CLSTN2: variants seen among roughly 807,000 people sequenced by gnomAD.
CLSTN2 encodes calsyntenin-2.
CLSTN2 carries 48 observed loss-of-function variants against 101.2 expected under a neutral mutation model. That is an observed-to-expected ratio of 0.47 (90% CI 0.38 to 0.60). CLSTN2 has a LOEUF of 0.60. Ranked by LOEUF, CLSTN2 falls within the 20% of genes least tolerant of loss-of-function variation. CLSTN2 has a pLI of 0.00. For synonymous variants in CLSTN2, 481 were observed against 463.6 expected (o/e 1.04, Z -0.48); for missense variants, 1,160 against 1,238.2 (o/e 0.94, Z 0.95).
intron 1 of CLSTN2, among the ~76,000 whole-genome samples, chr3:139,977,301 A>G (rs915084129): frequency 1.3e-5 from 2 of 152,056 alleles, no homozygotes; most frequent in Admixed American, 6.6e-5. Flanking sequence ...GGAAGAATGG[A>G]CAGAAGGAGG....
intron 2 of CLSTN2, among the ~76,000 whole-genome samples, chr3:140,324,087 A>T (rs2087309627): frequency 6.6e-6 from 1 of 152,228 alleles, no homozygotes; most frequent in Non-Finnish European, 1.5e-5. Flanking sequence ...AAGGGTAGGG[A>T]CATGATATTT....
chr3:140,238,944 A>C (rs1234151598), intron 2 of CLSTN2, among the ~76,000 whole-genome samples: 1 of 152,160 alleles, frequency 6.6e-6, no homozygotes, highest in Non-Finnish European at 1.5e-5. Flanking sequence ...TATACAATGG[A>C]TATGGTTCTA....
chr3:140,178,528 G>T (rs1192105975), intron 2 of CLSTN2, among the ~76,000 whole-genome samples: 1 of 152,094 alleles, frequency 6.6e-6, no homozygotes, highest in Admixed American at 6.5e-5. Flanking sequence ...TCTATGATTT[G>T]CAGCTGCCTT....
chr3:140,212,913 C>G lies in CLSTN2; in HGVS notation c.232+36840C>G, dbSNP rs114010726. On this transcript the variant is annotated intron_variant, in intron 2 of 16. Transcript: ENST00000458420. Reference sequence around the variant, plus strand: ...ATTCCCTGTTGTGATTGCTGGCTCTCTAGCATAGGCTCCTTGAGGGAAGGT... The same window carrying G: ...ATTCCCTGTTGTGATTGCTGGCTCTGTAGCATAGGCTCCTTGAGGGAAGGT... 7.6e-3 allele frequency among the ~76,000 whole-genome samples: 1,157 copies of G among 152,314 alleles called. 13 individuals are homozygous for G. Among genetic ancestry groups the G allele is most frequent in the African/African-American group, 0.026 (1,076 of 41,566 alleles).
At chr3:140,116,640 G>C (rs1305655022) in intron 1 of CLSTN2, among the ~76,000 whole-genome samples, 1 of 152,118 alleles carries the variant, frequency 6.6e-6, no homozygotes, top group Non-Finnish European at 1.5e-5. Flanking sequence ...GCGCCCCCCA[G>C]GTGTCTTCTG....
Position 140,566,182 on chromosome 3 carries a change from A to T in CLSTN2, c.2797A>T (p.Arg933Ter). The T allele has an allele frequency of 6.2e-7, 1 of 1,609,944 alleles. No individual in the cohort carries two copies. The highest frequency in any genetic ancestry group is 1.7e-4 in the Middle Eastern group (1 of 5,934). ...GGAGGAGGAGGAGGAAGGGATGGGC[A>T]GAGGCAGACATGGGCAGAATGGAGC... ...EEEEEEEGMGRGRHGQNGARQ... is the reference protein window; with the variant it reads ...EEEEEEEGMG Residue 933 changes from arginine to a stop codon, truncating the protein, a stop_gained, in exon 17 of 17, where the codon AGA (arginine) becomes TGA (stop). Coordinates refer to ENST00000458420, the MANE Select transcript of CLSTN2 (RefSeq NM_022131.3). LOFTEE classifies it high-confidence loss of function.
intron 2 of CLSTN2, 39 bp from the exon 3 acceptor site, chr3:140,403,590 T>C (rs1326794663): frequency 6.6e-7 from 1 of 1,523,932 alleles, no homozygotes; most frequent in East Asian, 2.3e-5. Flanking sequence ...GTCTGGCAAT[T>C]CTCAGGATTC....
At chr3:140,101,454 T>A (rs1457400748) in intron 1 of CLSTN2, among the ~76,000 whole-genome samples, 2 of 152,228 alleles carry the variant, frequency 1.3e-5, no homozygotes, top group Non-Finnish European at 2.9e-5. Context: ...CTGAAGTCGC[T>A]CCCAGGTTGG....
rs60379986 is a variant in CLSTN2 at position 140,251,584 on chromosome 3, GTTCCTTTCCTTTCCT to G, written c.232+75552_232+75566del. Among the ~76,000 whole-genome samples, 34 of 117,542 alleles carry G rather than the reference GTTCCTTTCCTTTCCT, an allele frequency of 2.9e-4. No individual in the cohort carries two copies. The South Asian group carries it at 3.2e-3, about 11-fold the overall frequency. The allele number at this position is 117,542 out of a possible 152,430, so 77.1% of individuals were successfully genotyped here. On this transcript the variant is annotated intron_variant, in intron 2 of 16. Transcript: ENST00000458420. ...TCAATAACGGCAACTCTTAGCTTCC[GTTCCTTTCCTTTCCT>G]TTCCTTTCCTTTCCTTTCCTTTCCT... is the stretch of plus-strand genomic sequence containing the variant.
Position 140,572,045 on chromosome 3 carries a change from C to CCTGACCAT in CLSTN2, c.*5793_*5800dup, listed in dbSNP as rs1322181037. 1 of 152,350 alleles carries CCTGACCAT rather than the reference C, an allele frequency of 6.6e-6. No individual in the cohort carries two copies. Among genetic ancestry groups the CCTGACCAT allele is most frequent in the Non-Finnish European group, 1.5e-5 (1 of 68,148 alleles). The allele number at this position is 152,350 out of a possible 1,614,324, so 9.4% of individuals were successfully genotyped here. A position where few individuals can be genotyped will look rare whatever the true frequency, so the allele number is the denominator to read the frequency against. On this transcript the variant is annotated 3_prime_UTR_variant, in exon 17 of 17. Coordinates refer to ENST00000458420, the MANE Select transcript of CLSTN2 (RefSeq NM_022131.3). ...AGGGAGGATGAACAAGGCATGTTTC[C>CCTGACCAT]CTGACCATGAGGAGCTCTTGGCCTG... is the stretch of plus-strand genomic sequence containing the variant.
intron 1 of CLSTN2, among the ~76,000 whole-genome samples, chr3:140,017,604 A>G (rs2007226607): frequency 6.6e-6 from 1 of 152,204 alleles, no homozygotes; most frequent in African/African-American, 2.4e-5. Flanking sequence ...AGTGGAACAC[A>G]ACTAGGCTCA....
intron 12 of CLSTN2, among the ~76,000 whole-genome samples, chr3:140,560,367 C>T (rs1935886517): frequency 6.6e-6 from 1 of 152,156 alleles, no homozygotes; most frequent in South Asian, 2.1e-4. Flanking sequence ...ACACGCCTCC[C>T]TCACACTCTG....
intron 2 of CLSTN2, among the ~76,000 whole-genome samples, chr3:140,376,875 G>A (rs2087923494): frequency 6.6e-6 from 1 of 152,288 alleles, no homozygotes; most frequent in African/African-American, 2.4e-5. Flanking sequence ...AAGTGAGCAA[G>A]AGCCATGTCC....
chr3:139,996,918 G>A (rs2006676627), intron 1 of CLSTN2, among the ~76,000 whole-genome samples: 1 of 151,720 alleles, frequency 6.6e-6, no homozygotes, highest in African/African-American at 2.4e-5. Flanking sequence ...GTGGTGGCGG[G>A]CACCTGTAAT....
chr3:140,461,219 A>G (rs1003104507), intron 7 of CLSTN2: 4 of 152,194 alleles, frequency 2.6e-5, no homozygotes, highest in African/African-American at 9.7e-5. Context: ...CCCTATTTAT[A>G]TAGCAAGTCT....
At chr3:140,424,183 G>T (rs1444818376) in intron 5 of CLSTN2, among the ~76,000 whole-genome samples, 1 of 152,148 alleles carries the variant, frequency 6.6e-6, no homozygotes, top group Admixed American at 6.5e-5. Flanking sequence ...CCTGCCTAAA[G>T]GGAAATGACT....
chr3:140,015,337 A>C (rs1051594764), intron 1 of CLSTN2, among the ~76,000 whole-genome samples: 1 of 152,214 alleles, frequency 6.6e-6, no homozygotes, highest in Non-Finnish European at 1.5e-5. Context: ...AATGCCATGG[A>C]GAACTGTCCC....
At chr3:140,059,511 G>T (rs78150642) in intron 1 of CLSTN2, among the ~76,000 whole-genome samples, 3 of 152,148 alleles carry the variant, frequency 2.0e-5, no homozygotes, top group Non-Finnish European at 2.9e-5. Context: ...AGAGGGTTCT[G>T]GGGGGCCATC....
chr3:140,163,192 G>A lies in CLSTN2; in HGVS notation c.110-12759G>A, dbSNP rs115801485. 1.4e-3 allele frequency among the ~76,000 whole-genome samples: 216 copies of A among 152,234 alleles called. 1 individual carries two copies. Among genetic ancestry groups the A allele is most frequent in the African/African-American group, 4.8e-3 (198 of 41,542 alleles). On this transcript the variant is annotated intron_variant, in intron 1 of 16. Coordinates refer to ENST00000458420, the MANE Select transcript of CLSTN2 (RefSeq NM_022131.3). ...ATGTGCTGAAGATCTACAATCAGTT[G>A]ACTTTAAGTAAAGGACATTACTCTC... is the stretch of plus-strand genomic sequence containing the variant.
Sources: allele counts gnomAD v4.1 joint callset (sites outside exome capture counted in the v4.1 genomes callset), GRCh38; gene constraint gnomAD v4.1.1; transcripts MANE v1.5; gene names NCBI Gene and HGNC (gene_info 2026-07-23, HGNC 2026-07-21).